The following PCSK2 variants were observed in gnomAD, a reference collection of about 807,000 sequenced individuals.
The protein encoded by PCSK2 is proprotein convertase subtilisin/kexin type 2.
In PCSK2, 14 loss-of-function variants were observed where a neutral mutation model predicts 69.7. That is an observed-to-expected ratio of 0.20 (90% CI 0.13 to 0.31). PCSK2 has a LOEUF of 0.31. Ranked by LOEUF, PCSK2 falls within the 10% of genes least tolerant of loss-of-function variation. PCSK2 has a pLI of 1.00. For synonymous variants in PCSK2, 307 were observed against 320.7 expected (o/e 0.96, Z 0.46); for missense variants, 544 against 842.5 (o/e 0.65, Z 4.39).
chr20:17,390,519 C>T (rs62201038), intron 5 of PCSK2, among the ~76,000 whole-genome samples: 13,922 of 152,118 alleles, frequency 0.092, 1,069 homozygotes, highest in African/African-American at 0.2. Context: ...AGAAGCCTGC[C>T]CATGTCTTGC....
chr20:17,455,529 G>A (rs2032903831), intron 9 of PCSK2, among the ~76,000 whole-genome samples: 1 of 152,198 alleles, frequency 6.6e-6, no homozygotes, highest in African/African-American at 2.4e-5. Context: ...AGAGAAACAT[G>A]TTTTAATAGC....
chr20:17,303,267 A>G (rs1015652772), intron 2 of PCSK2, among the ~76,000 whole-genome samples: 125 of 140,080 alleles, frequency 8.9e-4, no homozygotes, highest in African/African-American at 3.1e-3. Context: ...ATATATTAGT[A>G]TAACCATATA....
intron 10 of PCSK2, among the ~76,000 whole-genome samples, chr20:17,458,734 A>G (rs184031129): frequency 0.014 from 2,112 of 152,330 alleles, 15 homozygotes; most frequent in Non-Finnish European, 0.02. Flanking sequence ...ACTGTAGGGG[A>G]GAAAAAGAAA....
chr20:17,474,575 G>A lies in PCSK2; in HGVS notation c.1431-7009G>A, dbSNP rs560707628. Among the ~76,000 whole-genome samples the A allele has an allele frequency of 7.9e-5, 12 of 152,204 alleles. No homozygotes were observed. In the South Asian group the frequency reaches 2.1e-3, roughly 26 times the overall value. On this transcript the variant is annotated intron_variant, in intron 11 of 11. Transcript: ENST00000262545. The stretch of plus-strand genomic sequence containing the variant: ...GTTCTAGTTTCCCCTTCTCAGCCTC[G>A]CTGTCATTTTCCCTCCCTTAGTCTT...
At chr20:17,253,623 G>C (rs1241761938) in intron 1 of PCSK2, among the ~76,000 whole-genome samples, 1 of 152,016 alleles carries the variant, frequency 6.6e-6, no homozygotes, top group Non-Finnish European at 1.5e-5. Flanking sequence ...TAGCAATGTG[G>C]GTTGTTTCTA....
chr20:17,294,555 C>T (rs1988825655), intron 2 of PCSK2, among the ~76,000 whole-genome samples: 1 of 152,180 alleles, frequency 6.6e-6, no homozygotes. Context: ...AATTCAGAAG[C>T]CACAATCCAT....
intron 2 of PCSK2, among the ~76,000 whole-genome samples, chr20:17,339,297 C>T (rs1990442391): frequency 6.6e-6 from 1 of 152,192 alleles, no homozygotes; most frequent in African/African-American, 2.4e-5. Flanking sequence ...AATCAGTGAA[C>T]TCCATCAGAG....
chr20:17,311,301 C>T (rs1481412623), intron 2 of PCSK2, among the ~76,000 whole-genome samples: 1 of 152,060 alleles, frequency 6.6e-6, no homozygotes, highest in Non-Finnish European at 1.5e-5. Flanking sequence ...TTTGTAAGTT[C>T]CTGTTTCCGA....
intron 6 of PCSK2, among the ~76,000 whole-genome samples, chr20:17,426,893 GAAT>G (rs982857500): frequency 2.6e-5 from 4 of 152,208 alleles, no homozygotes; most frequent in African/African-American, 9.7e-5. Flanking sequence ...GCAACACCTA[GAAT>G]AATGTCTGAC....
At chr20:17,347,867 GAGAAAAA>G (rs1990705459) in intron 2 of PCSK2, among the ~76,000 whole-genome samples, 1 of 46,904 alleles carries the variant, frequency 2.1e-5, no homozygotes, top group South Asian at 6.5e-4. Flanking sequence ...AAAGAGGAGA[GAGAAAAA>G]AGAAAGAAAG....
intron 2 of PCSK2, among the ~76,000 whole-genome samples, chr20:17,276,071 G>A (rs1009365472): frequency 1.3e-5 from 2 of 152,088 alleles, no homozygotes; most frequent in Admixed American, 6.6e-5. Context: ...TCTAGCATTC[G>A]ATTACATGGT....
chr20:17,330,348 C>T (rs945998100), intron 2 of PCSK2, among the ~76,000 whole-genome samples: 3 of 152,102 alleles, frequency 2.0e-5, no homozygotes, highest in African/African-American at 4.8e-5. Flanking sequence ...AATCCCAGCA[C>T]TTTGGGAGGC....
chr20:17,269,789 C>T lies in PCSK2; in HGVS notation c.282+9445C>T, dbSNP rs564014242. On this transcript the variant is annotated intron_variant, in intron 2 of 11. Coordinates refer to ENST00000262545, the MANE Select transcript of PCSK2 (RefSeq NM_002594.5). ...TCTGTTTGACATGTCAAGGGAAGAA[C>T]CTGAATTGGGCACCTCTTTTTAATT... Among the ~76,000 whole-genome samples, 6 of 152,166 alleles carry T rather than the reference C, an allele frequency of 3.9e-5. No individual in the cohort carries two copies. The South Asian group carries it at 1.0e-3, about 26-fold the overall frequency.
At chr20:17,370,158 C>A (rs1410291533) in intron 5 of PCSK2, among the ~76,000 whole-genome samples, 2 of 152,204 alleles carry the variant, frequency 1.3e-5, no homozygotes, top group African/African-American at 4.8e-5. Flanking sequence ...ATTATCCAAA[C>A]TATTTCTAAG....
At position 17,371,635 on chromosome 20, in the gene PCSK2, A is replaced by G. The variant is rs569698333; in HGVS notation, c.543+2358A>G. On this transcript the variant is annotated intron_variant, in intron 5 of 11. Coordinates refer to ENST00000262545, the MANE Select transcript of PCSK2 (RefSeq NM_002594.5). ...ATACCACCATTCTTATTATTTTGACATATTTGGGGCCTTTAATTTCTATGT... is the reference window on the plus strand; with the variant it reads ...ATACCACCATTCTTATTATTTTGACGTATTTGGGGCCTTTAATTTCTATGT... 5.3e-5 allele frequency among the ~76,000 whole-genome samples: 8 copies of G among 152,262 alleles called. No individual in the cohort carries two copies. In the South Asian group the frequency reaches 1.5e-3, roughly 28 times the overall value.
chr20:17,406,780 A>T (rs1439366910), intron 5 of PCSK2, among the ~76,000 whole-genome samples: 2 of 152,236 alleles, frequency 1.3e-5, no homozygotes, highest in Admixed American at 6.5e-5. Context: ...TCCCTCACTG[A>T]CTTCATTTCC....
chr20:17,229,877 A>C (rs1986084131), intron 1 of PCSK2, among the ~76,000 whole-genome samples: 1 of 152,210 alleles, frequency 6.6e-6, no homozygotes, highest in Admixed American at 6.5e-5. Flanking sequence ...ATAGGCAAAC[A>C]CTGCACTACA....
At chr20:17,248,689 A>C (rs1249221572) in intron 1 of PCSK2, among the ~76,000 whole-genome samples, 2 of 152,212 alleles carry the variant, frequency 1.3e-5, no homozygotes, top group African/African-American at 4.8e-5. Context: ...GAGACCAATT[A>C]GCTCCATTTT....
At chr20:17,372,187 G>A (rs1382048196) in intron 5 of PCSK2, among the ~76,000 whole-genome samples, 1 of 151,992 alleles carries the variant, frequency 6.6e-6, no homozygotes, top group Non-Finnish European at 1.5e-5. Flanking sequence ...AGACCATACT[G>A]GCTAACACGG....
Sources: allele counts gnomAD v4.1 joint callset (sites outside exome capture counted in the v4.1 genomes callset), GRCh38; gene constraint gnomAD v4.1.1; transcripts MANE v1.5; gene names NCBI Gene and HGNC (gene_info 2026-07-23, HGNC 2026-07-21).